ARB2A: variants seen among roughly 807,000 people sequenced by gnomAD.
ARB2A encodes cotranscriptional regulator ARB2A.
the ARB2A span, among the ~76,000 whole-genome samples, chr5:93,760,550 A>C: frequency 1.3e-5 from 2 of 152,242 alleles, no homozygotes; most frequent in African/African-American, 2.4e-5. Context: ...GTATAAAAAT[A>C]GGCACATAGA....
chr5:93,949,893 C>T, the ARB2A span, among the ~76,000 whole-genome samples: 2 of 152,064 alleles, frequency 1.3e-5, no homozygotes, highest in African/African-American at 4.8e-5. Flanking sequence ...AATTTATTCT[C>T]AATAAATTCT....
the ARB2A span, among the ~76,000 whole-genome samples, chr5:93,664,717 G>C: frequency 2.0e-5 from 3 of 151,126 alleles, no homozygotes; most frequent in Non-Finnish European, 4.4e-5. Flanking sequence ...AATAAATAAA[G>C]GTTGCACAAA....
chr5:94,026,527 T>A, the ARB2A span, among the ~76,000 whole-genome samples: 1 of 152,100 alleles, frequency 6.6e-6, no homozygotes, highest in South Asian at 2.1e-4. Flanking sequence ...TGGGGGAATG[T>A]GTGCTGATTG....
the ARB2A span, among the ~76,000 whole-genome samples, chr5:93,663,093 C>A: frequency 6.6e-6 from 1 of 152,164 alleles, no homozygotes; most frequent in South Asian, 2.1e-4. Flanking sequence ...ACAAAATCCG[C>A]ACCTCTCAAC....
the ARB2A span, among the ~76,000 whole-genome samples, chr5:93,853,166 C>A: frequency 6.6e-6 from 1 of 152,120 alleles, no homozygotes; most frequent in South Asian, 2.1e-4. Context: ...TTGAAGAGGT[C>A]CTTCACGTCC....
chr5:94,022,217 T>C, the ARB2A span, among the ~76,000 whole-genome samples: 1 of 152,194 alleles, frequency 6.6e-6, no homozygotes, highest in Non-Finnish European at 1.5e-5. Flanking sequence ...TTATTATTAT[T>C]ATCTTCCAGA....
chr5:93,902,820 T>C, the ARB2A span, among the ~76,000 whole-genome samples: 2 of 152,090 alleles, frequency 1.3e-5, no homozygotes, highest in Admixed American at 6.6e-5. Context: ...AGAAGAGCCA[T>C]TATTTGTCAT....
At chr5:94,111,674 T>A in the ARB2A span, 1 of 152,298 alleles carries the variant, frequency 6.6e-6, no homozygotes, top group African/African-American at 2.4e-5. Flanking sequence ...AGGAGATTGA[T>A]ACGTCATTAC....
At chr5:93,842,572 A>T in the ARB2A span, among the ~76,000 whole-genome samples, 1 of 152,128 alleles carries the variant, frequency 6.6e-6, no homozygotes, top group African/African-American at 2.4e-5. Context: ...GAAAAAAATG[A>T]CAACATTTTG....
chr5:93,938,786 C>T, the ARB2A span, among the ~76,000 whole-genome samples: 2 of 152,052 alleles, frequency 1.3e-5, no homozygotes, highest in Non-Finnish European at 2.9e-5. Flanking sequence ...TTGTTAATTT[C>T]CAGGAAAAAA....
the ARB2A span, among the ~76,000 whole-genome samples, chr5:93,702,846 T>A: frequency 6.6e-6 from 1 of 152,178 alleles, no homozygotes; most frequent in Non-Finnish European, 1.5e-5. Flanking sequence ...AGTTTAAGAG[T>A]TTCATTATTT....
chr5:93,865,354 T>A, the ARB2A span: 7 of 980,778 alleles, frequency 7.1e-6, no homozygotes, highest in South Asian at 3.3e-4. Context: ...GTGCTGGGAT[T>A]ACAGCATGAG....
At chr5:93,971,665 C>T in the ARB2A span, among the ~76,000 whole-genome samples, 5 of 151,850 alleles carry the variant, frequency 3.3e-5, no homozygotes, top group Admixed American at 2.0e-4. Context: ...TTTCACTTTG[C>T]TTATTATGAT....
At chr5:94,069,046 A>ATAGATAGATAGGTAGG in the ARB2A span, among the ~76,000 whole-genome samples, 46 of 148,318 alleles carry the variant, frequency 3.1e-4, no homozygotes, top group African/African-American at 1.1e-3. Flanking sequence ...AAAAAGATAG[A>ATAGATAGATAGGTAGG]TAGATAGATA....
chr5:93,776,205 G>C, the ARB2A span: 1 of 1,612,082 alleles, frequency 6.2e-7, no homozygotes. Context: ...CCACTGATGT[G>C]TCTAATGGTT....
At chr5:93,620,420 G>A in the ARB2A span, 1 of 151,192 alleles carries the variant, frequency 6.6e-6, no homozygotes, top group South Asian at 2.1e-4. Flanking sequence ...GGTACATCAT[G>A]GCATTCAGGT....
chr5:93,899,467 A>T, the ARB2A span, among the ~76,000 whole-genome samples: 52 of 152,250 alleles, frequency 3.4e-4, no homozygotes, highest in Non-Finnish European at 5.6e-4. Context: ...CTTAAAAAAA[A>T]TTTTGATTAT....
chr5:93,784,357 C>G, the ARB2A span: 7 of 1,554,756 alleles, frequency 4.5e-6, no homozygotes, highest in Non-Finnish European at 6.2e-6. Flanking sequence ...CCATTCATCT[C>G]AGCACTAAAA....
At chr5:93,625,969 C>A in the ARB2A span, among the ~76,000 whole-genome samples, 2 of 152,166 alleles carry the variant, frequency 1.3e-5, no homozygotes, top group East Asian at 3.8e-4. Context: ...ATACATCAAC[C>A]CTGCCCACAC....
Sources: gnomAD v4.1 joint callset for allele counts (sites outside exome capture counted in the v4.1 genomes callset) on GRCh38, gnomAD v4.1.1 for gene constraint, MANE v1.5 for transcripts, NCBI Gene and HGNC (gene_info 2026-07-23, HGNC 2026-07-21) for gene names.